The following AK7 variants were observed in gnomAD, a reference collection of about 807,000 sequenced individuals.
AK7 encodes ATP-AMP transphosphorylase 7.
A neutral mutation model predicts 96.6 loss-of-function variants in AK7; 78 were observed. The observed-to-expected ratio is 0.81, with a 90% CI of 0.67 to 0.97. The LOEUF (loss-of-function observed/expected upper bound fraction) is 0.97, where lower values mean the gene tolerates loss of function less well. AK7 is among the 50% of genes least tolerant of loss of function. The pLI, the probability that AK7 is intolerant of heterozygous loss-of-function variation, is 0.00. For missense variants in AK7, 855 were observed against 887.9 expected (o/e 0.96, Z 0.47); for synonymous variants, 302 against 317.2 (o/e 0.95, Z 0.51).
In AK7 at chr14:96,404,817, A is replaced by C. The variant is rs771928580; in HGVS notation, c.355A>C (p.Ile119Leu). 9.9e-6 allele frequency: 16 copies of C among 1,610,914 alleles called. No homozygotes were observed. In the South Asian group the frequency reaches 1.5e-4, roughly 16 times the overall value. ...LLECDVIIYN[I>L]TESSQQMEEA... ...GGAGTGTGATGTTATTATTTATAAC[A>C]TCACTGAGAGCTCACAGCAAATGGA... The change falls in exon 3 of 18, where the codon ATC (isoleucine) becomes CTC (leucine). Residue 119 changes from isoleucine (I) to leucine (L), a missense_variant. Physicochemically the swap from Ile to Leu is conservative, Grantham distance 5. Transcript: ENST00000267584.
At chr14:96,425,590 C>T (rs1351632073) in intron 5 of AK7, among the ~76,000 whole-genome samples, 2 of 149,060 alleles carry the variant, frequency 1.3e-5, no homozygotes, top group Non-Finnish European at 3.0e-5. Flanking sequence ...TCAAATGACT[C>T]TCCTGCCTCA....
At chr14:96,429,505 A>T (rs774714205) in intron 5 of AK7, among the ~76,000 whole-genome samples, 12 of 152,180 alleles carry the variant, frequency 7.9e-5, no homozygotes, top group Non-Finnish European at 1.6e-4. Context: ...GAGGAAAGTC[A>T]TTGGTAGATT....
intron 4 of AK7, among the ~76,000 whole-genome samples, chr14:96,412,209 TCTTC>T (rs1225737420): frequency 3.5e-4 from 50 of 144,564 alleles, no homozygotes; most frequent in African/African-American, 1.2e-3. Flanking sequence ...CCTGGTACTT[TCTTC>T]CTTTCTTTCT....
chr14:96,408,425 A>G (rs1005284361), intron 3 of AK7, among the ~76,000 whole-genome samples: 4 of 152,126 alleles, frequency 2.6e-5, no homozygotes, highest in African/African-American at 9.7e-5. Flanking sequence ...TAGTGGGGGG[A>G]ATTCAACAAA....
rs536249554 is a variant in AK7, at chr14:96,485,175, G to A, written c.1975-1723G>A. On this transcript the variant is annotated intron_variant, in intron 16 of 17. Transcript: ENST00000267584. Reference sequence around the variant, plus strand: ...CAATTTTACTCGCACATGTCAGGCTGATAAAAACTGTTCTCATTGTTTTAA... The same window carrying A: ...CAATTTTACTCGCACATGTCAGGCTAATAAAAACTGTTCTCATTGTTTTAA... Among the ~76,000 whole-genome samples, 12 of 152,324 alleles carry A rather than the reference G, an allele frequency of 7.9e-5. No homozygotes were observed. In the South Asian group the frequency reaches 2.5e-3, roughly 32 times the overall value.
At chr14:96,460,495 T>C (rs1467026798) in intron 12 of AK7, among the ~76,000 whole-genome samples, 1 of 152,198 alleles carries the variant, frequency 6.6e-6, no homozygotes, top group Non-Finnish European at 1.5e-5. Flanking sequence ...GACGGCATGC[T>C]TGCTGCTCCT....
chr14:96,400,830 T>C (rs1198691430), intron 2 of AK7, among the ~76,000 whole-genome samples: 1 of 152,232 alleles, frequency 6.6e-6, no homozygotes, highest in Non-Finnish European at 1.5e-5. Context: ...GGGAGTTAAT[T>C]TCCCGCAGGC....
chr14:96,439,547 C>T (rs909013008), intron 6 of AK7, among the ~76,000 whole-genome samples: 4 of 151,744 alleles, frequency 2.6e-5, no homozygotes, highest in African/African-American at 9.7e-5. Flanking sequence ...GCCTGTGGTC[C>T]CAGCTACTCG....
At position 96,392,226 on chromosome 14, in the gene AK7, G is replaced by T. The variant is rs1217892165; in HGVS notation, c.72G>T (p.Leu24=). Residue 24 remains leucine (L), a synonymous_variant, in exon 1 of 18, where the codon CTG becomes CTT. Coordinates refer to ENST00000267584, the MANE Select transcript of AK7 (RefSeq NM_152327.5). ...GGACCCAGAGGGTGTTTATAAACCT[G>T]TTGGATTCCTACAGCAGCGGAAACA... ...VIRTQRVFIN[L]LDSYSSGNIG... is the part of the protein sequence containing the mutation. The T allele has an allele frequency of 6.2e-7, 1 of 1,613,464 alleles. No individual in the cohort carries two copies. Among genetic ancestry groups the T allele is most frequent in the Non-Finnish European group, 8.5e-7 (1 of 1,179,540 alleles).
At chr14:96,442,191 G>C (rs1892995663) in intron 6 of AK7, among the ~76,000 whole-genome samples, 2 of 152,234 alleles carry the variant, frequency 1.3e-5, no homozygotes, top group South Asian at 4.1e-4. Flanking sequence ...TGAGGATCGG[G>C]GTTCCAGTCC....
intron 12 of AK7, among the ~76,000 whole-genome samples, chr14:96,470,869 C>T (rs1209875669): frequency 6.6e-6 from 1 of 152,186 alleles, no homozygotes; most frequent in Non-Finnish European, 1.5e-5. Context: ...GCGGGCGGAG[C>T]TCTCTGCATT....
At chr14:96,398,356 C>T in intron 2 of AK7, 93 bp downstream of exon 2, 1 of 1,343,894 alleles carries the variant, frequency 7.4e-7, no homozygotes, top group South Asian at 1.2e-5. Context: ...TTTGCCTCCC[C>T]TCCCCTCTCT....
Position 96,458,193 on chromosome 14 carries a change from G to A in AK7, c.1338G>A (p.Glu446=), listed in dbSNP as rs1894043283. The change falls in exon 12 of 18, where the codon GAG becomes GAA. Residue 446 remains glutamate (E), a synonymous_variant. Transcript: ENST00000267584. The part of the protein sequence containing the change: ...DAQELLDGIK[E]SMEQNAGQLD... ...AGGAGCTCCTAGATGGCATCAAGGA[G>A]AGCATGGAGCAGAATGCAGGTAACA... is the stretch of plus-strand genomic sequence containing the variant. 1.2e-6 allele frequency: 2 copies of A among 1,613,866 alleles called. No individual in the cohort carries two copies. Among genetic ancestry groups the A allele is most frequent in the East Asian group, 2.2e-5 (1 of 44,890 alleles).
chr14:96,479,879 A>G lies in AK7; in HGVS notation c.1753+1217A>G, dbSNP rs552095845. On this transcript the variant is annotated intron_variant, in intron 15 of 17. Coordinates refer to ENST00000267584, the MANE Select transcript of AK7 (RefSeq NM_152327.5). ...GCTGCTCTCTACCCCCAACTGCCCAATGGGACAGCATTTGAGCCCTGGAGT... is the reference window on the plus strand; with the variant it reads ...GCTGCTCTCTACCCCCAACTGCCCAGTGGGACAGCATTTGAGCCCTGGAGT... Among the ~76,000 whole-genome samples, 39 of 151,642 alleles carry G rather than the reference A, an allele frequency of 2.6e-4. No homozygotes were observed. In the South Asian group the frequency reaches 7.3e-3, roughly 28 times the overall value.
At chr14:96,458,448 T>C (rs1894061703) in intron 12 of AK7, among the ~76,000 whole-genome samples, 2 of 150,646 alleles carry the variant, frequency 1.3e-5, no homozygotes, top group Admixed American at 1.3e-4. Flanking sequence ...AATACAAAAA[T>C]TAGCTAGGCA....
At position 96,446,441 on chromosome 14, in the gene AK7, G is replaced by C. The variant is rs551939452; in HGVS notation, c.780-76G>C. 4.5e-4 allele frequency: 556 copies of C among 1,242,452 alleles called. 8 individuals are homozygous for C. The South Asian group carries it at 6.4e-3, about 14-fold the overall frequency. The allele number at this position is 1,242,452 out of a possible 1,614,324, so 77.0% of individuals were successfully genotyped here. On this transcript the variant is annotated intron_variant, in intron 7 of 17. Transcript: ENST00000267584. Reference sequence around the variant, plus strand: ...AACCCCACGCCCAGCCATGGGGGTGGTGGTCAGTGAATTCTAGTTTACTGC... The same window carrying C: ...AACCCCACGCCCAGCCATGGGGGTGCTGGTCAGTGAATTCTAGTTTACTGC...
intron 5 of AK7, among the ~76,000 whole-genome samples, chr14:96,435,710 C>A (rs946983559): frequency 6.6e-6 from 1 of 152,260 alleles, no homozygotes; most frequent in East Asian, 1.9e-4. Context: ...ACTTAAATTA[C>A]GACCGCTGAT....
Position 96,488,774 on chromosome 14 carries a change from A to G in AK7, c.*431A>G, listed in dbSNP as rs2140191438. The stretch of plus-strand genomic sequence containing the variant: ...AAATGGAAATAAATTGAAGTGATTT[A>G]TGCCTGTTGACTCACAGTAAATCAG... On this transcript the variant is annotated 3_prime_UTR_variant, in exon 18 of 18. Coordinates refer to ENST00000267584, the MANE Select transcript of AK7 (RefSeq NM_152327.5). 1 of 150,310 alleles carries G rather than the reference A, an allele frequency of 6.7e-6. No homozygotes were observed. The highest frequency in any genetic ancestry group is 2.0e-4 in the East Asian group (1 of 5,120). The allele number at this position is 150,310 out of a possible 1,614,324, so 9.3% of individuals were successfully genotyped here. A position where few individuals can be genotyped will look rare whatever the true frequency, so the allele number is the denominator to read the frequency against.
At chr14:96,404,173 A>C (rs1004749394) in intron 2 of AK7, among the ~76,000 whole-genome samples, 4 of 142,088 alleles carry the variant, frequency 2.8e-5, no homozygotes, top group South Asian at 4.8e-4. Context: ...AAAAAAAAAA[A>C]CACCAAAAAT....
Sources: gnomAD v4.1 joint callset for allele counts (sites outside exome capture counted in the v4.1 genomes callset) on GRCh38, gnomAD v4.1.1 for gene constraint, MANE v1.5 for transcripts, NCBI Gene and HGNC (gene_info 2026-07-23, HGNC 2026-07-21) for gene names.